Variants in EMP2 observed in about 807,000 individuals in gnomAD.
EMP2 encodes the protein epithelial membrane protein 2.
A neutral mutation model predicts 13.7 loss-of-function variants in EMP2; 19 were observed. The observed-to-expected ratio is 1.38, with a 90% CI of 0.97 to 2.03. The LOEUF is 2.03. Among genes scored for constraint, EMP2 ranks in the 30% most tolerant of loss-of-function variants. The pLI is 0.00. For missense variants in EMP2, 253 were observed against 220.7 expected (o/e 1.15, Z -0.93); for synonymous variants, 97 against 84.7 (o/e 1.15, Z -0.80).
At chr16:10,533,168 A>G (rs2050621463) in intron 4 of EMP2, 76 bp from the exon 5 acceptor site, 2 of 1,250,398 alleles carry the variant, frequency 1.6e-6, no homozygotes, top group Non-Finnish European at 2.1e-6. Flanking sequence ...GCATACGGCC[A>G]GAGTTGAAGA....
intron 1 of EMP2, among the ~76,000 whole-genome samples, chr16:10,566,141 C>T (rs1415413262): frequency 6.6e-6 from 1 of 152,242 alleles, no homozygotes; most frequent in Non-Finnish European, 1.5e-5. Flanking sequence ...GGACCCTAAG[C>T]TTCAGAACAA....
chr16:10,549,715 G>GCGCACACACACA (rs879352910), intron 1 of EMP2, among the ~76,000 whole-genome samples: 1 of 80,678 alleles, frequency 1.2e-5, no homozygotes, highest in African/African-American at 6.2e-5. Flanking sequence ...ATTAATGCAC[G>GCGCACACACACA]CACACACACA....
At position 10,531,779 on chromosome 16, in the gene EMP2, G is replaced by C. The variant is rs1356848495; in HGVS notation, c.*1126C>G. 1.9e-5 allele frequency: 3 copies of C among 154,718 alleles called. No homozygotes were observed. Among genetic ancestry groups the C allele is most frequent in the African/African-American group, 7.2e-5 (3 of 41,606 alleles). 9.6% of individuals were successfully genotyped at this position (154,718 alleles called of 1,614,324 possible). A position where few individuals can be genotyped will look rare whatever the true frequency, so the allele number is the denominator to read the frequency against. ...TGAATGAATGAATGAATGAATGAAT[G>C]AATGAATGAATGGTGGATGGGTCCT... is the stretch of plus-strand genomic sequence containing the variant. On this transcript the variant is annotated 3_prime_UTR_variant, in exon 5 of 5. Coordinates refer to ENST00000359543, the MANE Select transcript of EMP2 (RefSeq NM_001424.6).
chr16:10,543,482 G>C lies in EMP2; in HGVS notation c.169+88C>G. 2.8e-6 allele frequency: 4 copies of C among 1,422,690 alleles called. No individual in the cohort carries two copies. The Admixed American group carries it at 5.1e-5, about 18-fold the overall frequency. The allele number at this position is 1,422,690 out of a possible 1,614,324, so 88.1% of individuals were successfully genotyped here. On this transcript the variant is annotated intron_variant, in intron 3 of 4. Coordinates refer to ENST00000359543, the MANE Select transcript of EMP2 (RefSeq NM_001424.6). ...GAGTATGCAGTGAGTGGAGGAGAGG[G>C]TACGGAGTCGGGGAACCCGAAGCCT...
intron 1 of EMP2, chr16:10,578,144 G>C (rs1322717523): frequency 6.6e-6 from 1 of 152,292 alleles, no homozygotes; most frequent in Non-Finnish European, 1.5e-5. Context: ...CTATGACAAA[G>C]AAGTGGCCTT....
Position 10,543,611 on chromosome 16 carries a change from G to C in EMP2, c.128C>G (p.Thr43Ser). ...EFFADVWRIC[T>S]NNTNCTVIND... Reference sequence around the variant, plus strand: ...GATGACTGTGCAATTCGTGTTGTTGGTACATATTCTCCAGACATCTGCAAA... The same window carrying C: ...GATGACTGTGCAATTCGTGTTGTTGCTACATATTCTCCAGACATCTGCAAA... The change falls in exon 3 of 5, where the codon ACC becomes AGC. Residue 43 changes from threonine to serine, a missense_variant. Thr to Ser is a moderately conservative substitution (Grantham distance 58). Coordinates refer to ENST00000359543, the MANE Select transcript of EMP2 (RefSeq NM_001424.6). The C allele has an allele frequency of 1.2e-6, 2 of 1,614,190 alleles. No homozygotes were observed. The highest frequency in any genetic ancestry group is 2.2e-5 in the South Asian group (2 of 91,078).
intron 4 of EMP2, among the ~76,000 whole-genome samples, chr16:10,535,489 C>G (rs897405371): frequency 1.3e-5 from 2 of 152,146 alleles, no homozygotes; most frequent in African/African-American, 4.8e-5. Flanking sequence ...AATCCCAACA[C>G]TTTGAGAGGC....
At chr16:10,565,325 G>C (rs1238027809) in intron 1 of EMP2, among the ~76,000 whole-genome samples, 1 of 152,192 alleles carries the variant, frequency 6.6e-6, no homozygotes, top group East Asian at 1.9e-4. Context: ...AGTGGACTCT[G>C]AGTCAAGCAG....
chr16:10,566,774 A>G (rs2050909540), intron 1 of EMP2, among the ~76,000 whole-genome samples: 1 of 152,156 alleles, frequency 6.6e-6, no homozygotes. Context: ...CTGAGTACAC[A>G]GAGCATGCGA....
In EMP2 at chr16:10,529,062, T is replaced by C. The variant is rs907758367; in HGVS notation, c.*3843A>G. The stretch of plus-strand genomic sequence containing the variant: ...TCACACAGACCAACAAGTCAAGCAT[T>C]CTCCAAACTCATTTGAACAGAGACC... On this transcript the variant is annotated 3_prime_UTR_variant, in exon 5 of 5. Coordinates refer to ENST00000359543, the MANE Select transcript of EMP2 (RefSeq NM_001424.6). 3 of 152,134 alleles carry C rather than the reference T, an allele frequency of 2.0e-5. No individual in the cohort carries two copies. The highest frequency in any genetic ancestry group is 7.2e-5 in the African/African-American group (3 of 41,424). 9.4% of individuals were successfully genotyped at this position (152,134 alleles called of 1,614,324 possible).
chr16:10,549,478 C>T (rs1202401143), intron 1 of EMP2, among the ~76,000 whole-genome samples: 9 of 152,134 alleles, frequency 5.9e-5, no homozygotes, highest in Middle Eastern at 3.2e-3. Context: ...TCTTGGTCAA[C>T]AAAACTCAAA....
chr16:10,577,468 T>A (rs1441147405), intron 1 of EMP2, among the ~76,000 whole-genome samples: 1 of 152,164 alleles, frequency 6.6e-6, no homozygotes, highest in African/African-American at 2.4e-5. Flanking sequence ...GCCACAGTGC[T>A]GCTGAAATTG....
rs2050573583 is a variant in EMP2 at position 10,528,593 on chromosome 16, A to G, written c.*4312T>C. 6.6e-6 allele frequency: 1 copy of G among 152,150 alleles called. No homozygotes were observed. The highest frequency in any genetic ancestry group is 6.5e-5 in the Admixed American group (1 of 15,276). 9.4% of individuals were successfully genotyped at this position (152,150 alleles called of 1,614,324 possible). A position where few individuals can be genotyped will look rare whatever the true frequency, so the allele number is the denominator to read the frequency against. ...TCTGGGCAATCTGGTTTTAAACTTT[A>G]TTTTCCATGTACAGTTTCAGATTAT... On this transcript the variant is annotated 3_prime_UTR_variant, in exon 5 of 5. Coordinates refer to ENST00000359543, the MANE Select transcript of EMP2 (RefSeq NM_001424.6).
At chr16:10,536,875 C>T (rs942402823) in intron 4 of EMP2, among the ~76,000 whole-genome samples, 1 of 152,130 alleles carries the variant, frequency 6.6e-6, no homozygotes, top group African/African-American at 2.4e-5. Flanking sequence ...CCTGCATGGG[C>T]CTCCCAAAGT....
chr16:10,570,073 C>T (rs1236065811), intron 1 of EMP2, among the ~76,000 whole-genome samples: 1 of 152,102 alleles, frequency 6.6e-6, no homozygotes, highest in African/African-American at 2.4e-5. Context: ...GCGATGGTTA[C>T]CGGGGTGCCC....
At chr16:10,569,271 T>C (rs996015633) in intron 1 of EMP2, among the ~76,000 whole-genome samples, 1 of 152,244 alleles carries the variant, frequency 6.6e-6, no homozygotes, top group Non-Finnish European at 1.5e-5. Context: ...CTACTCACTA[T>C]TCAACAGTTT....
In EMP2 at chr16:10,538,015, T is replaced by C. The variant is rs538746327; in HGVS notation, c.229A>G (p.Ile77Val). The change falls in exon 4 of 5, where the codon ATC (isoleucine) becomes GTC (valine). Residue 77 changes from isoleucine (I) to valine (V), a missense_variant. Physicochemically the swap from Ile to Val is conservative, Grantham distance 29. Transcript: ENST00000359543. Reference protein sequence around the residue: ...TMILSTILCCIAFFIFVLQLF... With the variant: ...TMILSTILCCVAFFIFVLQLF... Reference sequence around the variant, plus strand: ...TGGAGCACGAAGATGAAGAAGGCGATGCAGCAGAGAATGGTGGAGAGGATC... The same window carrying C: ...TGGAGCACGAAGATGAAGAAGGCGACGCAGCAGAGAATGGTGGAGAGGATC... 15 of 1,613,972 alleles carry C rather than the reference T, an allele frequency of 9.3e-6. No individual in the cohort carries two copies. Among genetic ancestry groups the C allele is most frequent in the African/African-American group, 5.3e-5 (4 of 74,908 alleles).
At chr16:10,542,591 T>C (rs975354982) in intron 3 of EMP2, among the ~76,000 whole-genome samples, 8 of 152,206 alleles carry the variant, frequency 5.3e-5, no homozygotes, top group African/African-American at 1.9e-4. Flanking sequence ...ATCAGGCAAC[T>C]GGGATCCCAA....
At chr16:10,551,776 T>G (rs973918417) in intron 1 of EMP2, among the ~76,000 whole-genome samples, 23 of 152,204 alleles carry the variant, frequency 1.5e-4, no homozygotes, top group African/African-American at 5.3e-4. Context: ...GGACATGCAC[T>G]GACTGCACAA....
Sources: gnomAD v4.1 joint callset for allele counts (sites outside exome capture counted in the v4.1 genomes callset) on GRCh38, gnomAD v4.1.1 for gene constraint, MANE v1.5 for transcripts, NCBI Gene and HGNC (gene_info 2026-07-23, HGNC 2026-07-21) for gene names.